The following SH3RF2 variants were observed in gnomAD, a reference collection of about 807,000 sequenced individuals.
The protein encoded by SH3RF2 is E3 ubiquitin-protein ligase SH3RF2.
SH3RF2 carries 43 observed loss-of-function variants against 59.0 expected under a neutral mutation model. That is an observed-to-expected ratio of 0.73 (90% CI 0.57 to 0.94). SH3RF2 has a LOEUF of 0.94. Ranked by LOEUF, SH3RF2 falls within the 40% of genes least tolerant of loss-of-function variation. The pLI is 0.00. For missense variants in SH3RF2, 930 were observed against 940.1 expected (o/e 0.99, Z 0.14); for synonymous variants, 391 against 391.5 (o/e 1.00, Z 0.01).
chr5:145,963,156 C>G (rs969446510), intron 2 of SH3RF2, among the ~76,000 whole-genome samples: 3 of 152,004 alleles, frequency 2.0e-5, no homozygotes, highest in African/African-American at 7.2e-5. Context: ...CTCGGCCTCC[C>G]AAAGTGCTGG....
chr5:146,045,235 T>C (rs149872117), intron 5 of SH3RF2, among the ~76,000 whole-genome samples: 1 of 152,192 alleles, frequency 6.6e-6, no homozygotes, highest in Non-Finnish European at 1.5e-5. Context: ...TGTGACAATA[T>C]CTGATTACAA....
At chr5:145,972,637 T>C (rs1041343555) in intron 2 of SH3RF2, among the ~76,000 whole-genome samples, 2 of 152,118 alleles carry the variant, frequency 1.3e-5, no homozygotes, top group African/African-American at 4.8e-5. Context: ...AAGAGTTGAG[T>C]GTCACAGGAA....
intron 2 of SH3RF2, among the ~76,000 whole-genome samples, chr5:145,994,965 C>A (rs1346718945): frequency 6.6e-6 from 1 of 151,288 alleles, no homozygotes; most frequent in Non-Finnish European, 1.5e-5. Context: ...TCTTCTCATT[C>A]TCCCTTTCTT....
At chr5:146,000,391 T>A in intron 3 of SH3RF2, 64 bp downstream of exon 3, 1 of 1,435,176 alleles carries the variant, frequency 7.0e-7, no homozygotes, top group Non-Finnish European at 9.2e-7. Flanking sequence ...AGAACAGAGT[T>A]CCTTGTTTAA....
intron 9 of SH3RF2, among the ~76,000 whole-genome samples, chr5:146,070,062 ACTTTACATG>A (rs1317924278): frequency 6.6e-6 from 1 of 151,864 alleles, no homozygotes; most frequent in Non-Finnish European, 1.5e-5. Flanking sequence ...CATGCCAAGC[ACTTTACATG>A]CTACATACAT....
rs112254445 is a variant in SH3RF2 at position 146,009,496 on chromosome 5, T to C, written c.745-4251T>C. On this transcript the variant is annotated intron_variant, in intron 4 of 9. Coordinates refer to ENST00000359120, the MANE Select transcript of SH3RF2 (RefSeq NM_152550.4). ...TCTTCTGGGCATATTCTTACCTCCATTTTCACATAGCTAGCTCCTTCTTGA... is the reference window on the plus strand; with the variant it reads ...TCTTCTGGGCATATTCTTACCTCCACTTTCACATAGCTAGCTCCTTCTTGA... 9.8e-5 allele frequency among the ~76,000 whole-genome samples: 15 copies of C among 152,302 alleles called. 3 individuals carry two copies. Among genetic ancestry groups the C allele is most frequent in the African/African-American group, 3.6e-4 (15 of 41,566 alleles).
intron 2 of SH3RF2, among the ~76,000 whole-genome samples, chr5:145,965,825 A>G (rs980396222): frequency 6.6e-6 from 1 of 152,250 alleles, no homozygotes; most frequent in African/African-American, 2.4e-5. Context: ...ATAAATATTT[A>G]AAGTGTGGTT....
At chr5:145,998,073 A>AT (rs1760241480) in intron 2 of SH3RF2, 1 of 571,564 alleles carries the variant, frequency 1.7e-6, no homozygotes, top group African/African-American at 1.9e-5. Context: ...GCAAATAATG[A>AT]TGAAAAAAAT....
At chr5:145,971,378 GA>G in intron 2 of SH3RF2, among the ~76,000 whole-genome samples, 1 of 152,162 alleles carries the variant, frequency 6.6e-6, no homozygotes, top group East Asian at 1.9e-4. Context: ...GCTAGTTGAG[GA>G]AAAAAGAGAA....
Position 146,008,804 on chromosome 5 carries a change from A to G in SH3RF2, c.744+4651A>G, listed in dbSNP as rs574498051. 5.3e-5 allele frequency among the ~76,000 whole-genome samples: 8 copies of G among 152,248 alleles called. No individual in the cohort carries two copies. In the South Asian group the frequency reaches 1.7e-3, roughly 32 times the overall value. ...ATAGTCAATTTCTTCCCCAACTCAT[A>G]AGTGCTGGCAACCACCAATCTGTTT... On this transcript the variant is annotated intron_variant, in intron 4 of 9. Transcript: ENST00000359120.
chr5:146,028,630 A>C (rs1450859590), intron 5 of SH3RF2, among the ~76,000 whole-genome samples: 1 of 152,218 alleles, frequency 6.6e-6, no homozygotes, highest in Non-Finnish European at 1.5e-5. Context: ...TGGCAACAAC[A>C]GACATTACCA....
intron 5 of SH3RF2, among the ~76,000 whole-genome samples, chr5:146,021,189 G>A (rs1273825911): frequency 6.6e-6 from 1 of 151,794 alleles, no homozygotes; most frequent in African/African-American, 2.4e-5. Context: ...GGGCTGCCAT[G>A]AGAAATGGTT....
intron 5 of SH3RF2, among the ~76,000 whole-genome samples, chr5:146,032,045 A>G (rs1309433353): frequency 6.6e-6 from 1 of 152,196 alleles, no homozygotes; most frequent in Non-Finnish European, 1.5e-5. Flanking sequence ...AAAACACTTT[A>G]TCCAAAGTAG....
At chr5:145,989,608 T>C (rs1469349248) in intron 2 of SH3RF2, among the ~76,000 whole-genome samples, 1 of 152,220 alleles carries the variant, frequency 6.6e-6, no homozygotes, top group Non-Finnish European at 1.5e-5. Flanking sequence ...CATTCTCCAG[T>C]GATGGGCAAT....
Position 145,955,118 on chromosome 5 carries a change from C to T in SH3RF2, c.378+16812C>T, listed in dbSNP as rs188364436. On this transcript the variant is annotated intron_variant, in intron 2 of 9. Coordinates refer to ENST00000359120, the MANE Select transcript of SH3RF2 (RefSeq NM_152550.4). ...TTAGATGTGGGTGGGGACAAATATA[C>T]AAACTATATCAGTAACGAAGGGGGT... 2.4e-4 allele frequency among the ~76,000 whole-genome samples: 37 copies of T among 152,200 alleles called. No homozygotes were observed. In the East Asian group the frequency reaches 6.9e-3, roughly 29 times the overall value.
chr5:146,010,529 C>T (rs1036645402), intron 4 of SH3RF2, among the ~76,000 whole-genome samples: 1 of 152,200 alleles, frequency 6.6e-6, no homozygotes, highest in East Asian at 1.9e-4. Context: ...TCCACATCCT[C>T]TCCAGCACCT....
intron 2 of SH3RF2, among the ~76,000 whole-genome samples, chr5:145,996,964 T>C (rs981426321): frequency 6.6e-6 from 1 of 152,172 alleles, no homozygotes; most frequent in Non-Finnish European, 1.5e-5. Context: ...ACTTAGCACA[T>C]AGGAAGTGCT....
chr5:146,046,983 C>A (rs901549426), intron 5 of SH3RF2, among the ~76,000 whole-genome samples: 1 of 152,134 alleles, frequency 6.6e-6, no homozygotes, highest in Non-Finnish European at 1.5e-5. Context: ...GTCTAGAATT[C>A]CTGGTTCAAG....
chr5:146,077,386 A>G (rs1763359267), intron 9 of SH3RF2, among the ~76,000 whole-genome samples: 1 of 152,248 alleles, frequency 6.6e-6, no homozygotes, highest in Non-Finnish European at 1.5e-5. Flanking sequence ...CTGGGGGCTC[A>G]TGGATTTTAA....
Sources: gnomAD v4.1 joint callset for allele counts (sites outside exome capture counted in the v4.1 genomes callset) on GRCh38, gnomAD v4.1.1 for gene constraint, MANE v1.5 for transcripts, NCBI Gene and HGNC (gene_info 2026-07-23, HGNC 2026-07-21) for gene names.